The following INSL6 variants were observed in gnomAD, a reference collection of about 807,000 sequenced individuals.
INSL6 encodes insulin-like peptide INSL6.
A neutral mutation model predicts 9.4 loss-of-function variants in INSL6; 16 were observed. The ratio of observed to expected loss-of-function variants is 1.70; its 90% CI spans 1.15 to 2.59. The LOEUF (loss-of-function observed/expected upper bound fraction) is 2.59. Ranked by LOEUF, INSL6 falls within the 30% of genes most tolerant of loss-of-function variation. INSL6 has a pLI of 0.00. For synonymous variants in INSL6, 154 were observed against 96.9 expected, an observed-to-expected ratio of 1.59 and a Z score of -3.46; for missense variants, 391 against 257.3, an observed-to-expected ratio of 1.52 and a Z score of -3.56.
At chr9:5,078,529 T>A in the INSL6 span, 1,924 of 979,666 alleles carry the variant, frequency 2.0e-3, 5 homozygotes, top group Non-Finnish European at 2.1e-3. Flanking sequence ...TTTCCTTGAA[T>A]TCCATTTAAT....
chr9:4,995,702 A>G, the INSL6 span, among the ~76,000 whole-genome samples: 13 of 152,232 alleles, frequency 8.5e-5, no homozygotes, highest in Admixed American at 7.2e-4. Flanking sequence ...GAGGCATTCA[A>G]GTACTTGAAA....
intron 1 of INSL6, among the ~76,000 whole-genome samples, chr9:5,176,344 T>G (rs979482515): frequency 9.9e-5 from 15 of 152,196 alleles, no homozygotes; most frequent in African/African-American, 3.6e-4. Flanking sequence ...ATCTCCCTTA[T>G]CCTGTTTCAT....
At chr9:5,042,624 C>A in the INSL6 span, among the ~76,000 whole-genome samples, 77 of 137,258 alleles carry the variant, frequency 5.6e-4, no homozygotes, top group African/African-American at 2.2e-3. Context: ...CCCCCGTTAG[C>A]GTCATAAAGT....
At chr9:5,000,334 C>G in the INSL6 span, among the ~76,000 whole-genome samples, 1 of 151,862 alleles carries the variant, frequency 6.6e-6, no homozygotes, top group Admixed American at 6.6e-5. Context: ...AGGAAATAGT[C>G]GGAAATGTCC....
intron 3 of INSL6, chr9:5,126,512 G>T: frequency 1.8e-6 from 2 of 1,140,020 alleles, no homozygotes; most frequent in Non-Finnish European, 2.6e-6. Context: ...AAGGACTTCA[G>T]TTCACTTCCT....
At chr9:5,165,098 C>T (rs904915995) in intron 1 of INSL6, among the ~76,000 whole-genome samples, 1 of 152,170 alleles carries the variant, frequency 6.6e-6, no homozygotes, top group Non-Finnish European at 1.5e-5. Flanking sequence ...GTAATACCAG[C>T]TACTTGGGAT....
At chr9:5,042,870 A>G in the INSL6 span, among the ~76,000 whole-genome samples, 1 of 152,152 alleles carries the variant, frequency 6.6e-6, no homozygotes, top group Non-Finnish European at 1.5e-5. Flanking sequence ...CGCCACAGGC[A>G]CGGCCACCGC....
the INSL6 span, chr9:5,090,726 G>T: frequency 1.3e-6 from 2 of 1,575,022 alleles, no homozygotes; most frequent in Non-Finnish European, 1.7e-6. Context: ...AAAGAAAAAT[G>T]TTTTATCCAT....
chr9:5,040,422 G>T, the INSL6 span, among the ~76,000 whole-genome samples: 8 of 152,236 alleles, frequency 5.3e-5, no homozygotes, highest in Middle Eastern at 6.8e-3. Context: ...GACACCAAAA[G>T]CTCAAGTGAC....
chr9:5,152,857 C>T (rs12341481), intron 2 of INSL6, among the ~76,000 whole-genome samples: 1 of 152,192 alleles, frequency 6.6e-6, no homozygotes, highest in Non-Finnish European at 1.5e-5. Flanking sequence ...CCACATTCAT[C>T]TCATTGGGAC....
At chr9:5,086,346 C>A in the INSL6 span, among the ~76,000 whole-genome samples, 9 of 152,130 alleles carry the variant, frequency 5.9e-5, no homozygotes, top group South Asian at 1.4e-3. Flanking sequence ...TCACTCCTAG[C>A]GGTTTTGAAA....
At chr9:5,142,396 T>C (rs1824518530) in intron 2 of INSL6, among the ~76,000 whole-genome samples, 1 of 152,194 alleles carries the variant, frequency 6.6e-6, no homozygotes, top group Non-Finnish European at 1.5e-5. Flanking sequence ...CTTTGAGCAG[T>C]TGTTTGTAGT....
the INSL6 span, among the ~76,000 whole-genome samples, chr9:5,008,692 T>C: frequency 6.6e-6 from 1 of 152,230 alleles, no homozygotes; most frequent in African/African-American, 2.4e-5. Flanking sequence ...GATCCTTTGC[T>C]TTGATTTGTA....
chr9:5,173,156 C>T (rs1331082875), intron 1 of INSL6, among the ~76,000 whole-genome samples: 1 of 152,034 alleles, frequency 6.6e-6, no homozygotes. Flanking sequence ...GGAACTAATT[C>T]CTACTGTTGG....
At chr9:5,153,594 A>G (rs1032454501) in intron 2 of INSL6, among the ~76,000 whole-genome samples, 1 of 152,212 alleles carries the variant, frequency 6.6e-6, no homozygotes, top group Non-Finnish European at 1.5e-5. Flanking sequence ...TCTCAGCCCA[A>G]AATCTCCTTA....
the INSL6 span, chr9:5,054,621 A>T: frequency 1.9e-6 from 3 of 1,612,640 alleles, no homozygotes; most frequent in Non-Finnish European, 2.5e-6. The surrounding 1 kb of genome is among the most constrained non-coding windows in gnomAD (Gnocchi z 4.9). Flanking sequence ...TCATATTTTG[A>T]CAAGGAAGCG....
chr9:5,059,576 T>G, the INSL6 span, among the ~76,000 whole-genome samples: 1 of 152,162 alleles, frequency 6.6e-6, no homozygotes, highest in Non-Finnish European at 1.5e-5. Context: ...TATATATATA[T>G]CCTAGAGATA....
chr9:5,017,395 G>T, the INSL6 span, among the ~76,000 whole-genome samples: 2 of 152,318 alleles, frequency 1.3e-5, no homozygotes, highest in Admixed American at 6.5e-5. Context: ...TTAATGCTAA[G>T]AACTTCGTTT....
At chr9:5,073,681 CTT>C in the INSL6 span, 1 of 1,425,524 alleles carries the variant, frequency 7.0e-7, no homozygotes. Flanking sequence ...ATTCTTTGTA[CTT>C]TTTTTTTTCC....
Sources: allele counts gnomAD v4.1 joint callset (sites outside exome capture counted in the v4.1 genomes callset), GRCh38; gene constraint gnomAD v4.1.1; non-coding constraint Gnocchi (gnomAD v3.1); transcripts MANE v1.5; gene names NCBI Gene and HGNC (gene_info 2026-07-23, HGNC 2026-07-21).